Variants in CNTNAP4 observed in about 807,000 individuals in gnomAD.
CNTNAP4 encodes contactin-associated protein-like 4.
Under a neutral mutation model 148.4 loss-of-function variants are expected in CNTNAP4, and 98 were observed. The ratio of observed to expected loss-of-function variants is 0.66; its 90% CI spans 0.56 to 0.78. The LOEUF (loss-of-function observed/expected upper bound fraction) is 0.78, where lower values mean the gene tolerates loss of function less well. Ranked by LOEUF, CNTNAP4 falls within the 30% of genes least tolerant of loss-of-function variation. The pLI is 0.00. For missense variants in CNTNAP4, 1,935 were observed against 1,565.6 expected, an observed-to-expected ratio of 1.24 and a Z score of -3.98; for synonymous variants, 730 against 565.1, an observed-to-expected ratio of 1.29 and a Z score of -4.14.
Position 76,449,763 on chromosome 16 carries a change from C to G in CNTNAP4, c.976C>G (p.His326Asp). 1 of 1,597,428 alleles carries G rather than the reference C, an allele frequency of 6.3e-7. No individual in the cohort carries two copies. Among genetic ancestry groups the G allele is most frequent in the Non-Finnish European group, 8.5e-7 (1 of 1,171,060 alleles). Residue 326 changes from histidine to aspartate, a missense_variant, in exon 7 of 24, where the codon CAT (histidine) becomes GAT (aspartate). Transcript: ENST00000611870. ...PAPGKSVSFPHRNFHGCLENL... is the reference protein window; with the variant it reads ...PAPGKSVSFPDRNFHGCLENL... ...ACCTGGAAAATCAGTGTCATTCCCA[C>G]ATAGAAATTTTCATGGATGTTTAGA...
chr16:76,428,281 T>C (rs930849429), intron 4 of CNTNAP4, among the ~76,000 whole-genome samples: 3 of 152,178 alleles, frequency 2.0e-5, no homozygotes, highest in Non-Finnish European at 2.9e-5. Flanking sequence ...ACTTTTATTA[T>C]AGAACAGTGG....
intron 21 of CNTNAP4, 47 bp downstream of exon 21, chr16:76,540,837 C>G (rs1191351710): frequency 7.7e-7 from 1 of 1,303,576 alleles, no homozygotes; most frequent in Non-Finnish European, 1.1e-6. Flanking sequence ...AATCATGATA[C>G]ATAAGCATGG....
intron 20 of CNTNAP4, among the ~76,000 whole-genome samples, 167 bp downstream of exon 20, chr16:76,540,019 T>G (rs372459306): frequency 2.6e-5 from 4 of 152,262 alleles, no homozygotes; most frequent in African/African-American, 9.6e-5. Context: ...GCAATAAGAT[T>G]TTGTTCATTA....
chr16:76,522,105 C>A lies in CNTNAP4; in HGVS notation c.2603C>A (p.Pro868His). The A allele has an allele frequency of 6.2e-7, 1 of 1,613,850 alleles. No individual in the cohort carries two copies. The highest frequency in any genetic ancestry group is 8.5e-7 in the Non-Finnish European group (1 of 1,179,856). The change falls in exon 17 of 24, where the codon CCC becomes CAC. Residue 868 changes from proline (P) to histidine (H), a missense_variant. Pro to His is a moderately conservative substitution (Grantham distance 77). Transcript: ENST00000611870. ...CCTTTTGAAATCTCAGTGCAGTCAC[C>A]CACCCACTTCAACGACAACCAGTGG... ...NGPFEISVQS[P>H]THFNDNQWHH... is the part of the protein sequence containing the mutation.
chr16:76,291,629 C>A (rs139162526), intron 1 of CNTNAP4, among the ~76,000 whole-genome samples: 58 of 152,304 alleles, frequency 3.8e-4, no homozygotes, highest in African/African-American at 1.3e-3. Flanking sequence ...CTGGCACTTT[C>A]CCACTTCGTA....
intron 17 of CNTNAP4, among the ~76,000 whole-genome samples, chr16:76,526,290 G>A (rs2083727960): frequency 6.6e-6 from 1 of 152,262 alleles, no homozygotes; most frequent in Admixed American, 6.5e-5. Context: ...AAACAATGTG[G>A]CTGGAAAGAA....
intron 3 of CNTNAP4, among the ~76,000 whole-genome samples, chr16:76,376,624 C>G (rs946602001): frequency 9.2e-5 from 14 of 152,196 alleles, no homozygotes; most frequent in African/African-American, 3.4e-4. Flanking sequence ...AGGGCATGAA[C>G]AGGTCACCTG....
At chr16:76,281,153 C>T (rs1223524344) in intron 1 of CNTNAP4, among the ~76,000 whole-genome samples, 2 of 152,012 alleles carry the variant, frequency 1.3e-5, no homozygotes, top group African/African-American at 4.8e-5. Context: ...CTTGTGGGTC[C>T]TGGGAGACAG....
chr16:76,357,058 AACAC>A (rs58020066), intron 3 of CNTNAP4, among the ~76,000 whole-genome samples: 8 of 148,044 alleles, frequency 5.4e-5, no homozygotes, highest in South Asian at 2.1e-4. Flanking sequence ...AACAAAACAA[AACAC>A]ACACACACAC....
chr16:76,408,587 G>T, intron 3 of CNTNAP4, among the ~76,000 whole-genome samples: 1 of 151,698 alleles, frequency 6.6e-6, no homozygotes, highest in East Asian at 1.9e-4. Context: ...AAACTTCCTA[G>T]CTTTATATCC....
chr16:76,515,314 C>G (rs1210109146), intron 15 of CNTNAP4, among the ~76,000 whole-genome samples: 1 of 152,086 alleles, frequency 6.6e-6, no homozygotes, highest in African/African-American at 2.4e-5. Flanking sequence ...AGCCCTAACC[C>G]CAATGTGACT....
intron 18 of CNTNAP4, among the ~76,000 whole-genome samples, chr16:76,537,672 TC>T (rs2084269273): frequency 6.6e-6 from 1 of 152,100 alleles, no homozygotes; most frequent in Admixed American, 6.6e-5. Flanking sequence ...TGCCTCTTGA[TC>T]CTGGGAAAGA....
chr16:76,321,131 C>G (rs1243163315), intron 2 of CNTNAP4, among the ~76,000 whole-genome samples: 1 of 152,184 alleles, frequency 6.6e-6, no homozygotes, highest in African/African-American at 2.4e-5. Context: ...TAAACCACAA[C>G]TACACCCTTC....
At chr16:76,497,550 A>G (rs865890957) in intron 14 of CNTNAP4, among the ~76,000 whole-genome samples, 4 of 152,146 alleles carry the variant, frequency 2.6e-5, no homozygotes, top group African/African-American at 9.7e-5. Flanking sequence ...TTGTGGAGAC[A>G]TGGATGAAGC....
intron 3 of CNTNAP4, among the ~76,000 whole-genome samples, chr16:76,384,908 A>G (rs1473036706): frequency 6.6e-6 from 1 of 152,232 alleles, no homozygotes; most frequent in African/African-American, 2.4e-5. Flanking sequence ...TTTTCAATAC[A>G]TGAGCCAAAT....
Position 76,291,631 on chromosome 16 carries a change from C to T in CNTNAP4, c.85+13884C>T, listed in dbSNP as rs552315938. Among the ~76,000 whole-genome samples the T allele has an allele frequency of 5.3e-5, 8 of 152,316 alleles. 1 individual carries two copies. The East Asian group carries it at 9.6e-4, about 18-fold the overall frequency. On this transcript the variant is annotated intron_variant, in intron 1 of 23. Transcript: ENST00000611870. ...CAGTTTGTTTTATCTGGCACTTTCC[C>T]ACTTCGTAATCAGTAAATCTCAGTA...
chr16:76,319,306 C>T lies in CNTNAP4; in HGVS notation c.196+2783C>T, dbSNP rs140017590. 8.7e-3 allele frequency among the ~76,000 whole-genome samples: 1,318 copies of T among 152,056 alleles called. 23 individuals carry two copies. Among genetic ancestry groups the T allele is most frequent in the African/African-American group, 0.03 (1,255 of 41,476 alleles). Reference sequence around the variant, plus strand: ...ATCCAGGAGGCTGAGGCATGAGAATCGTTTGAACCCAGGGGGTGCAGGTAA... The same window carrying T: ...ATCCAGGAGGCTGAGGCATGAGAATTGTTTGAACCCAGGGGGTGCAGGTAA... On this transcript the variant is annotated intron_variant, in intron 2 of 23. Transcript: ENST00000611870.
intron 10 of CNTNAP4, among the ~76,000 whole-genome samples, chr16:76,475,057 G>C (rs1303990269): frequency 6.6e-6 from 1 of 152,098 alleles, no homozygotes; most frequent in Non-Finnish European, 1.5e-5. Context: ...CTACTCCAGA[G>C]GCTAAGGCAG....
rs929018190 is a variant in CNTNAP4 at position 76,314,432 on chromosome 16, C to A, written c.86-1981C>A. Among the ~76,000 whole-genome samples, 3 of 152,070 alleles carry A rather than the reference C, an allele frequency of 2.0e-5. 1 individual carries two copies. Among genetic ancestry groups the A allele is most frequent in the Admixed American group, 6.6e-5 (1 of 15,254 alleles). ...AGGAATAATGCGGTCACCCTTGGTA[C>A]AAATACTTGTGTGTATATGTGTATA... On this transcript the variant is annotated intron_variant, in intron 1 of 23. Transcript: ENST00000611870.
Sources: gnomAD v4.1 joint callset for allele counts (sites outside exome capture counted in the v4.1 genomes callset) on GRCh38, gnomAD v4.1.1 for gene constraint, MANE v1.5 for transcripts, NCBI Gene and HGNC (gene_info 2026-07-23, HGNC 2026-07-21) for gene names.